CRTAC1: variants seen among roughly 807,000 people sequenced by gnomAD.
CRTAC1 encodes the protein acidic secreted protein in cartilage.
CRTAC1 carries 37 observed loss-of-function variants against 67.8 expected under a neutral mutation model. The ratio of observed to expected loss-of-function variants is 0.55; its 90% CI spans 0.42 to 0.72. The LOEUF (loss-of-function observed/expected upper bound fraction) is 0.72, where lower values mean the gene tolerates loss of function less well. Among genes scored for constraint, CRTAC1 ranks in the 30% least tolerant of loss-of-function variants. CRTAC1 has a pLI of 0.00. For missense variants in CRTAC1, 780 were observed against 931.6 expected (o/e 0.84, Z 2.12); for synonymous variants, 348 against 371.0 (o/e 0.94, Z 0.71).
At chr10:97,992,755 G>A (rs977424273) in intron 2 of CRTAC1, among the ~76,000 whole-genome samples, 3 of 152,306 alleles carry the variant, frequency 2.0e-5, no homozygotes, top group Admixed American at 6.5e-5. Context: ...ATTTATAGAA[G>A]TGGAGAGTGG....
intron 3 of CRTAC1, 127 bp from the exon 4 acceptor site, chr10:97,923,527 A>G (rs1338786301): frequency 9.2e-7 from 1 of 1,091,808 alleles, no homozygotes; most frequent in African/African-American, 1.5e-5. Context: ...CATCTGCGGC[A>G]AGGAAGACCT....
At chr10:97,875,120 C>T (rs1413594904) in intron 14 of CRTAC1, among the ~76,000 whole-genome samples, 1 of 152,234 alleles carries the variant, frequency 6.6e-6, no homozygotes, top group Non-Finnish European at 1.5e-5. Context: ...AGAGATCGCA[C>T]AGCATAAGGC....
Position 97,895,688 on chromosome 10 carries a change from G to C in CRTAC1, c.1317+197C>G, listed in dbSNP as rs1320830760. Among the ~76,000 whole-genome samples, 1 of 152,170 alleles carries C rather than the reference G, an allele frequency of 6.6e-6. No homozygotes were observed. The highest frequency in any genetic ancestry group is 2.4e-5 in the African/African-American group (1 of 41,440). ...CAGATAAATGATACTGGAAGGCAGA[G>C]AGGCAAGGGCTTCTCCCAAGGCGGC... On this transcript the variant is annotated intron_variant, in intron 10 of 14. Coordinates refer to ENST00000370597, the MANE Select transcript of CRTAC1 (RefSeq NM_018058.7). The surrounding 1 kb of genome is among the most constrained non-coding windows in gnomAD (Gnocchi z 4.2).
At chr10:97,988,576 C>G (rs151014932) in intron 2 of CRTAC1, among the ~76,000 whole-genome samples, 5 of 151,992 alleles carry the variant, frequency 3.3e-5, no homozygotes, top group Non-Finnish European at 7.4e-5. Flanking sequence ...AAAAATTAGC[C>G]GGGTGTGGCA....
chr10:97,909,327 T>C (rs141680094), intron 5 of CRTAC1, among the ~76,000 whole-genome samples: 69 of 152,262 alleles, frequency 4.5e-4, no homozygotes, highest in African/African-American at 1.6e-3. Context: ...CTGGAAATAC[T>C]GTGCAGAAAA....
intron 2 of CRTAC1, among the ~76,000 whole-genome samples, chr10:97,995,624 A>G (rs539297932): frequency 1.1e-4 from 17 of 152,266 alleles, no homozygotes; most frequent in African/African-American, 4.1e-4. Context: ...CTTAAGGAAA[A>G]TCTCCAAGAA....
chr10:97,888,040 C>T lies in CRTAC1; in HGVS notation c.1487-3689G>A, dbSNP rs143101439. 2.2e-3 allele frequency among the ~76,000 whole-genome samples: 330 copies of T among 152,346 alleles called. 2 individuals carry two copies. The highest frequency in any genetic ancestry group is 0.017 in the Middle Eastern group (5 of 292). The stretch of plus-strand genomic sequence containing the variant: ...GGAGCCATGGACAGATGCAGTGAAT[C>T]GCCCAGTTGCCCAGCAGAGGTCCGA... On this transcript the variant is annotated intron_variant, in intron 11 of 14. Transcript: ENST00000370597.
chr10:97,898,805 A>G (rs1218840168), intron 8 of CRTAC1, among the ~76,000 whole-genome samples: 1 of 152,102 alleles, frequency 6.6e-6, no homozygotes, highest in Non-Finnish European at 1.5e-5. Flanking sequence ...ACATGGCTAG[A>G]TGTGAAAGGG....
rs1238180272 is a variant in CRTAC1, at chr10:98,030,277, G to C, written c.24+172C>G. On this transcript the variant is annotated intron_variant, in intron 1 of 14. Coordinates refer to ENST00000370597, the MANE Select transcript of CRTAC1 (RefSeq NM_018058.7). This position sits in a 1 kb window ranked among gnomAD's most constrained non-coding sequence, Gnocchi z 4.2. ...GCGGGGGAGGCTCCGCGCGCCAATC[G>C]AGTCCAGCGCCTCCCAGCAAGTTAG... Among the ~76,000 whole-genome samples the C allele has an allele frequency of 2.6e-5, 4 of 152,042 alleles. No individual in the cohort carries two copies. The highest frequency in any genetic ancestry group is 5.9e-5 in the Non-Finnish European group (4 of 67,972).
rs1278066386 is a variant in CRTAC1 at position 97,895,292 on chromosome 10, C to A, written c.1439G>T (p.Gly480Val). 2 of 1,613,440 alleles carry A rather than the reference C, an allele frequency of 1.2e-6. No homozygotes were observed. Among genetic ancestry groups the A allele is most frequent in the Non-Finnish European group, 1.7e-6 (2 of 1,179,994 alleles). ...SGAHLRIIDG[G>V]SGYLCEMEPV... The stretch of plus-strand genomic sequence containing the variant: ...CTCCATCTCACACAGGTAGCCTGAG[C>A]CCCCGTCGATGATCCTCAGGTGGGC... Residue 480 changes from glycine to valine, a missense_variant, in exon 11 of 15, where the codon GGC becomes GTC. Coordinates refer to ENST00000370597, the MANE Select transcript of CRTAC1 (RefSeq NM_018058.7). This position sits in a 1 kb window ranked among gnomAD's most constrained non-coding sequence, Gnocchi z 4.2.
At chr10:97,953,915 T>G (rs919637381) in intron 2 of CRTAC1, among the ~76,000 whole-genome samples, 1 of 152,190 alleles carries the variant, frequency 6.6e-6, no homozygotes, top group Non-Finnish European at 1.5e-5. Flanking sequence ...CATGTGATAC[T>G]CCTCGGCAGG....
chr10:97,980,264 G>A (rs945203050), intron 2 of CRTAC1, among the ~76,000 whole-genome samples: 2 of 152,290 alleles, frequency 1.3e-5, no homozygotes, highest in Middle Eastern at 3.4e-3. Context: ...CTCATATAAG[G>A]TAGGTTCTGA....
intron 3 of CRTAC1, among the ~76,000 whole-genome samples, chr10:97,934,337 T>C (rs1232591976): frequency 6.6e-6 from 1 of 152,216 alleles, no homozygotes; most frequent in Non-Finnish European, 1.5e-5. Flanking sequence ...GCCCTGATAT[T>C]TGTGTAGGGA....
intron 2 of CRTAC1, among the ~76,000 whole-genome samples, chr10:97,990,744 C>T (rs1842431078): frequency 6.6e-6 from 1 of 152,148 alleles, no homozygotes; most frequent in East Asian, 1.9e-4. Context: ...AGGTGCCTTG[C>T]ACATGGTAGC....
At chr10:98,007,650 C>G (rs1008746613) in intron 2 of CRTAC1, among the ~76,000 whole-genome samples, 1 of 152,166 alleles carries the variant, frequency 6.6e-6, no homozygotes, top group Non-Finnish European at 1.5e-5. Flanking sequence ...TTTGCTCAAC[C>G]CTGCCCTGGA....
intron 2 of CRTAC1, among the ~76,000 whole-genome samples, chr10:97,957,949 C>A (rs1243950987): frequency 6.6e-6 from 1 of 152,044 alleles, no homozygotes; most frequent in Non-Finnish European, 1.5e-5. Context: ...CCTCCTCCAC[C>A]CAATACCCCC....
chr10:98,024,800 C>A (rs923218980), intron 1 of CRTAC1, among the ~76,000 whole-genome samples: 1 of 114,148 alleles, frequency 8.8e-6, no homozygotes, highest in African/African-American at 3.7e-5. Context: ...CTCCACCACA[C>A]ACACACACAC....
intron 2 of CRTAC1, among the ~76,000 whole-genome samples, chr10:97,962,225 T>C (rs988803499): frequency 6.6e-6 from 1 of 152,164 alleles, no homozygotes; most frequent in Non-Finnish European, 1.5e-5. Flanking sequence ...AGGGAGAAGG[T>C]GAGCAGATCT....
chr10:97,899,680 T>C (rs751128431), intron 8 of CRTAC1, among the ~76,000 whole-genome samples: 1 of 152,266 alleles, frequency 6.6e-6, no homozygotes, highest in Non-Finnish European at 1.5e-5. Context: ...TCAGGATTGA[T>C]GCTTTGTTAA....
Sources: allele counts gnomAD v4.1 joint callset (sites outside exome capture counted in the v4.1 genomes callset), GRCh38; gene constraint gnomAD v4.1.1; non-coding constraint Gnocchi (gnomAD v3.1); transcripts MANE v1.5; gene names NCBI Gene and HGNC (gene_info 2026-07-23, HGNC 2026-07-21).